FERMT1: variants seen among roughly 807,000 people sequenced by gnomAD.
FERMT1 encodes FERM domain containing kindlin 1.
FERMT1 carries 60 observed loss-of-function variants against 85.3 expected under a neutral mutation model. That is an observed-to-expected ratio of 0.70 (90% confidence interval 0.57 to 0.87). The LOEUF is 0.87. Among genes scored for constraint, FERMT1 ranks in the 40% least tolerant of loss-of-function variants. The pLI, the probability that FERMT1 is intolerant of heterozygous loss-of-function variation, is 0.00. For synonymous variants in FERMT1, 275 were observed against 301.1 expected (o/e 0.91, Z 0.90); for missense variants, 701 against 818.9 (o/e 0.86, Z 1.76).
At position 6,119,590 on chromosome 20, in the gene FERMT1, A is replaced by G; in HGVS notation, c.-18-18T>C. 6.2e-7 allele frequency: 1 copy of G among 1,604,632 alleles called. No homozygotes were observed. Among genetic ancestry groups the G allele is most frequent in the Non-Finnish European group, 8.5e-7 (1 of 1,174,104 alleles). ...GCTGGTGTCTGCTGAACAAAAAGGCAGACATAGATTGGAATGTGGGAAGGA... is the reference window on the plus strand; with the variant it reads ...GCTGGTGTCTGCTGAACAAAAAGGCGGACATAGATTGGAATGTGGGAAGGA... On this transcript the variant is annotated intron_variant, in intron 1 of 14. Transcript: ENST00000217289.
rs1416926112 is a variant in FERMT1 at position 6,097,510 on chromosome 20, T to G, written c.957+14A>C. 6.3e-7 allele frequency: 1 copy of G among 1,575,238 alleles called. No homozygotes were observed. Among genetic ancestry groups the G allele is most frequent in the South Asian group, 1.1e-5 (1 of 90,274 alleles). ...TTGTCTCCTTCCAGAGAAAAGGTAC[T>G]GAAGTTCCCATACCTGTAGAGCTGC... On this transcript the variant is annotated intron_variant, in intron 7 of 14. Transcript: ENST00000217289.
chr20:6,106,792 C>G (rs966837327), intron 6 of FERMT1, among the ~76,000 whole-genome samples: 19 of 152,160 alleles, frequency 1.2e-4, no homozygotes, highest in African/African-American at 4.3e-4. Context: ...AAAGAGTAAG[C>G]AAGCACTGGA....
intron 13 of FERMT1, among the ~76,000 whole-genome samples, chr20:6,080,964 A>T (rs1013147091): frequency 3.3e-5 from 5 of 152,174 alleles, no homozygotes; most frequent in African/African-American, 1.2e-4. Flanking sequence ...CAAGAAGGTG[A>T]GTAGAGATTG....
At chr20:6,115,537 TG>T (rs1568665500) in intron 3 of FERMT1, among the ~76,000 whole-genome samples, 2 of 152,216 alleles carry the variant, frequency 1.3e-5, no homozygotes, top group African/African-American at 4.8e-5. Flanking sequence ...CAATAAATTT[TG>T]GGGGGCAATC....
At chr20:6,087,922 G>T (rs1396434743) in intron 10 of FERMT1, 39 bp from the exon 11 acceptor site, 1 of 1,068,674 alleles carries the variant, frequency 9.4e-7, no homozygotes, top group Non-Finnish European at 1.5e-6. Flanking sequence ...GAGTTCTGAG[G>T]CATCTGTTAG....
intron 2 of FERMT1, among the ~76,000 whole-genome samples, chr20:6,117,347 C>A (rs1201103186): frequency 6.6e-6 from 1 of 151,946 alleles, no homozygotes; most frequent in Non-Finnish European, 1.5e-5. Flanking sequence ...CGGCTCACTG[C>A]AACTTCTGCC....
intron 12 of FERMT1, among the ~76,000 whole-genome samples, chr20:6,084,755 G>A (rs990890261): frequency 2.7e-5 from 4 of 150,762 alleles, no homozygotes; most frequent in African/African-American, 9.8e-5. Context: ...GTGCAGTGGT[G>A]CAGTCTCAGC....
chr20:6,115,631 A>T (rs1328373569), intron 3 of FERMT1, among the ~76,000 whole-genome samples, 180 bp downstream of exon 3: 3 of 152,182 alleles, frequency 2.0e-5, no homozygotes, highest in African/African-American at 7.2e-5. Context: ...TATGCCAATA[A>T]TGTTCCACTT....
At position 6,076,317 on chromosome 20, in the gene FERMT1, C is replaced by A; in HGVS notation, c.*856G>T. The A allele has an allele frequency of 2.4e-6, 1 of 409,988 alleles. No homozygotes were observed. Among genetic ancestry groups the A allele is most frequent in the Admixed American group, 2.7e-5 (1 of 37,270 alleles). 25.4% of individuals were successfully genotyped at this position (409,988 alleles called of 1,614,324 possible). ...TGACACTGGCAGGTGTTTCTATGAA[C>A]AGAGAGGACTGTGCCTGTCTTCCTG... On this transcript the variant is annotated 3_prime_UTR_variant, in exon 15 of 15. Transcript: ENST00000217289.
At position 6,088,962 on chromosome 20, in the gene FERMT1, T is replaced by C; in HGVS notation, c.1264+3A>G. 1 of 1,610,320 alleles carries C rather than the reference T, an allele frequency of 6.2e-7. No individual in the cohort carries two copies. The highest frequency in any genetic ancestry group is 1.1e-5 in the South Asian group (1 of 90,978). On this transcript the variant is annotated splice_donor_region_variant and intron_variant, in intron 10 of 14. Coordinates refer to ENST00000217289, the MANE Select transcript of FERMT1 (RefSeq NM_017671.5). ...GCCACAGCAAGATATAGGGTACTCT[T>C]ACCTCTAAGATTTAGTTTTTCTAGT...
intron 2 of FERMT1, among the ~76,000 whole-genome samples, chr20:6,117,868 G>T (rs552783525): frequency 6.6e-6 from 1 of 151,096 alleles, no homozygotes; most frequent in Non-Finnish European, 1.5e-5. Flanking sequence ...CACCATGTTG[G>T]CCAGGCTGGT....
At position 6,075,832 on chromosome 20, in the gene FERMT1, A is replaced by C. The variant is rs1294386510; in HGVS notation, c.*1341T>G. 1.3e-5 allele frequency: 2 copies of C among 152,374 alleles called. No homozygotes were observed. The highest frequency in any genetic ancestry group is 4.8e-5 in the African/African-American group (2 of 41,466). 9.4% of individuals were successfully genotyped at this position (152,374 alleles called of 1,614,324 possible). A position where few individuals can be genotyped will look rare whatever the true frequency, so the allele number is the denominator to read the frequency against. ...TGTGTGGCAGAACATCTATGAAAAA[A>C]TAATAAAATATTGTCTGATATTTCC... On this transcript the variant is annotated 3_prime_UTR_variant, in exon 15 of 15. Coordinates refer to ENST00000217289, the MANE Select transcript of FERMT1 (RefSeq NM_017671.5).
chr20:6,081,999 G>T (rs1474442073), intron 13 of FERMT1, among the ~76,000 whole-genome samples: 1 of 152,040 alleles, frequency 6.6e-6, no homozygotes, highest in African/African-American at 2.4e-5. Context: ...TCCAGGGAGC[G>T]GTGAAGCAAG....
chr20:6,094,961 C>T lies in FERMT1; in HGVS notation c.1117G>A (p.Ala373Thr), dbSNP rs1212271703. The T allele has an allele frequency of 6.5e-7, 1 of 1,540,872 alleles. No homozygotes were observed. The highest frequency in any genetic ancestry group is 1.7e-5 in the Admixed American group (1 of 59,898). ...TACCTAAATAATTTGAGATTATCTG[C>T]AAGTTTAGGGATATCAGTAATGTCC... ...LEDITDIPKL[A>T]DNLKLFRPKK... The change falls in exon 9 of 15, where the codon GCA becomes ACA. Residue 373 changes from alanine (A) to threonine (T), a missense_variant. Transcript: ENST00000217289.
At chr20:6,091,158 G>T (rs906824608) in intron 9 of FERMT1, among the ~76,000 whole-genome samples, 1 of 151,852 alleles carries the variant, frequency 6.6e-6, no homozygotes, top group African/African-American at 2.4e-5. Flanking sequence ...GCAAGACTTC[G>T]TCTCAAACAA....
At chr20:6,117,031 A>G (rs1397686525) in intron 2 of FERMT1, among the ~76,000 whole-genome samples, 1 of 152,222 alleles carries the variant, frequency 6.6e-6, no homozygotes, top group East Asian at 1.9e-4. Context: ...CCAACTCTTT[A>G]TCAGTACCAC....
At chr20:6,106,508 T>C (rs893937630) in intron 6 of FERMT1, among the ~76,000 whole-genome samples, 1 of 152,134 alleles carries the variant, frequency 6.6e-6, no homozygotes, top group Non-Finnish European at 1.5e-5. Context: ...AAAACAGTGA[T>C]GGGAGCATGC....
chr20:6,113,683 C>T (rs1983022740), intron 3 of FERMT1, among the ~76,000 whole-genome samples: 1 of 152,236 alleles, frequency 6.6e-6, no homozygotes, highest in African/African-American at 2.4e-5. Context: ...GAGCAACCTT[C>T]AGTGACTATC....
At chr20:6,089,588 G>A (rs887254662) in intron 9 of FERMT1, among the ~76,000 whole-genome samples, 2 of 152,170 alleles carry the variant, frequency 1.3e-5, no homozygotes, top group African/African-American at 4.8e-5. Flanking sequence ...CCAAGCTTCA[G>A]GTTACCATAC....
Sources: gnomAD v4.1 joint callset for allele counts (sites outside exome capture counted in the v4.1 genomes callset) on GRCh38, gnomAD v4.1.1 for gene constraint, MANE v1.5 for transcripts, NCBI Gene and HGNC (gene_info 2026-07-23, HGNC 2026-07-21) for gene names.